HLCS: variants seen among roughly 807,000 people sequenced by gnomAD.
The protein encoded by HLCS is biotin--protein ligase.
Under a neutral mutation model 75.0 loss-of-function variants are expected in HLCS, and 53 were observed. That is an observed-to-expected ratio of 0.71 (90% CI 0.57 to 0.89). The LOEUF (loss-of-function observed/expected upper bound fraction) is 0.89. Ranked by LOEUF, HLCS falls within the 40% of genes least tolerant of loss-of-function variation. The probability of loss-of-function intolerance (pLI) is 0.00; values close to 1 mark genes in which losing one functional copy is unlikely to be tolerated. For synonymous variants in HLCS, 431 were observed against 428.6 expected (o/e 1.01, Z -0.07); for missense variants, 966 against 1,074.0 (o/e 0.90, Z 1.41).
chr21:36,896,672 G>A, intron 6 of HLCS, 188 bp downstream of exon 6: 1 of 649,728 alleles, frequency 1.5e-6, no homozygotes. Flanking sequence ...AAACAAACCT[G>A]TGATCAAAGA....
Position 36,936,963 on chromosome 21 carries a change from G to A in HLCS, c.923C>T (p.Ala308Val). Residue 308 changes from alanine (A) to valine (V), a missense_variant, in exon 4 of 11, where the codon GCA becomes GTA. Ala to Val is a moderately conservative substitution (Grantham distance 64). Transcript: ENST00000674895. Reference protein sequence around the residue: ...EGRRVNLTGKAPNILLYVGSD... With the variant: ...EGRRVNLTGKVPNILLYVGSD... ...GCCCACATAGAGGAGGATGTTGGGT[G>A]CCTTTCCCGTGAGGTTGACTCTCCT... The A allele has an allele frequency of 6.2e-7, 1 of 1,614,164 alleles. No individual in the cohort carries two copies. Among genetic ancestry groups the A allele is most frequent in the Non-Finnish European group, 8.5e-7 (1 of 1,180,028 alleles).
chr21:36,802,641 C>T (rs577242872), intron 6 of HLCS, among the ~76,000 whole-genome samples: 4 of 152,302 alleles, frequency 2.6e-5, no homozygotes, highest in Admixed American at 1.3e-4. Context: ...CCCTGACCTC[C>T]GCATCCAAAT....
chr21:36,779,608 C>T (rs1298116463), intron 6 of HLCS, among the ~76,000 whole-genome samples: 2 of 152,202 alleles, frequency 1.3e-5, no homozygotes, highest in African/African-American at 4.8e-5. Context: ...ACTGCGAAAT[C>T]ACACTTACTA....
chr21:36,784,011 A>G (rs1045470915), intron 6 of HLCS, among the ~76,000 whole-genome samples: 1 of 152,162 alleles, frequency 6.6e-6, no homozygotes, highest in Non-Finnish European at 1.5e-5. Context: ...TCAGCTATAG[A>G]TCTCAAGATT....
intron 6 of HLCS, among the ~76,000 whole-genome samples, chr21:36,894,691 A>G (rs1470068792): frequency 6.6e-6 from 1 of 152,188 alleles, no homozygotes; most frequent in African/African-American, 2.4e-5. Context: ...AAGAGAAACA[A>G]AGATTCCTAA....
intron 5 of HLCS, among the ~76,000 whole-genome samples, chr21:36,899,075 G>C (rs918301459): frequency 1.3e-5 from 2 of 151,914 alleles, no homozygotes; most frequent in Non-Finnish European, 2.9e-5. Flanking sequence ...AAAAAAGGAA[G>C]TACTGTGGTG....
At chr21:36,915,363 G>C (rs1166958877) in intron 5 of HLCS, among the ~76,000 whole-genome samples, 1 of 152,180 alleles carries the variant, frequency 6.6e-6, no homozygotes, top group Non-Finnish European at 1.5e-5. Context: ...ATGTTACCTG[G>C]AAAGAGAGAA....
intron 6 of HLCS, chr21:36,803,956 A>C (rs1156312891): frequency 6.6e-6 from 1 of 152,334 alleles, no homozygotes; most frequent in Non-Finnish European, 1.5e-5. Context: ...GGGAGACCGA[A>C]TTCCAGCCAG....
At position 36,958,988 on chromosome 21, in the gene HLCS, A is replaced by G. The variant is rs114733274; in HGVS notation, c.330+3048T>C. Among the ~76,000 whole-genome samples, 513 of 152,296 alleles carry G rather than the reference A, an allele frequency of 3.4e-3. 2 individuals are homozygous for G. The highest frequency in any genetic ancestry group is 0.012 in the African/African-American group (480 of 41,580). ...GAGCAGGGTAGGCGCGGCCAGGGAT[A>G]CGCGCTCTGTGGAACCAGGGGGAGC... On this transcript the variant is annotated intron_variant, in intron 2 of 10. Coordinates refer to ENST00000674895, the MANE Select transcript of HLCS (RefSeq NM_001352514.2).
chr21:36,910,637 G>C (rs1275571049), intron 5 of HLCS, among the ~76,000 whole-genome samples: 2 of 152,048 alleles, frequency 1.3e-5, no homozygotes, highest in African/African-American at 4.8e-5. Context: ...AACCCTTGGG[G>C]TGGGCGTTTA....
intron 6 of HLCS, among the ~76,000 whole-genome samples, chr21:36,843,396 C>A (rs1601479302): frequency 6.6e-6 from 1 of 152,320 alleles, no homozygotes; most frequent in African/African-American, 2.4e-5. Context: ...CATGATCGTG[C>A]CACAGCACTC....
At chr21:36,892,258 G>A (rs2064818259) in intron 6 of HLCS, among the ~76,000 whole-genome samples, 1 of 152,222 alleles carries the variant, frequency 6.6e-6, no homozygotes, top group Non-Finnish European at 1.5e-5. Context: ...CATCTCCGAT[G>A]TGGTGCAGAG....
At chr21:36,767,191 C>T (rs1238002092) in intron 7 of HLCS, 27 bp downstream of exon 7, 2 of 1,609,416 alleles carry the variant, frequency 1.2e-6, no homozygotes, top group African/African-American at 1.3e-5. Context: ...ACAGAAGTAA[C>T]AGCAATGATC....
chr21:36,979,233 C>T (rs887356878), intron 1 of HLCS, among the ~76,000 whole-genome samples: 11 of 150,386 alleles, frequency 7.3e-5, no homozygotes, highest in African/African-American at 2.5e-4. Context: ...GATCGCGCCA[C>T]TGCCCTCCAG....
intron 2 of HLCS, among the ~76,000 whole-genome samples, chr21:36,957,169 G>T (rs1382266261): frequency 3.3e-5 from 5 of 152,152 alleles, no homozygotes; most frequent in African/African-American, 4.8e-5. Flanking sequence ...GCCTGTGGGG[G>T]AAGTGTTTGG....
intron 1 of HLCS, among the ~76,000 whole-genome samples, chr21:36,985,754 A>C (rs1380233018): frequency 6.7e-6 from 1 of 149,280 alleles, no homozygotes; most frequent in Non-Finnish European, 1.5e-5. Context: ...TGACAGAGTG[A>C]GACTTGGTCT....
intron 6 of HLCS, among the ~76,000 whole-genome samples, chr21:36,877,045 G>A (rs2064008241): frequency 6.6e-6 from 1 of 152,092 alleles, no homozygotes; most frequent in Non-Finnish European, 1.5e-5. Context: ...AGTGAATTTT[G>A]TCTGCTGCTT....
At chr21:36,812,864 A>G (rs1298821247) in intron 6 of HLCS, among the ~76,000 whole-genome samples, 1 of 152,132 alleles carries the variant, frequency 6.6e-6, no homozygotes, top group Non-Finnish European at 1.5e-5. Flanking sequence ...TTCAAGACCA[A>G]CCTGGGCAAC....
upstream of HLCS, among the ~76,000 whole-genome samples, chr21:36,969,165 C>T (rs975094126): frequency 6.6e-6 from 1 of 152,116 alleles, no homozygotes; most frequent in African/African-American, 2.4e-5. Context: ...ACATAACAAG[C>T]TCTGTTTATG....
Sources: allele counts gnomAD v4.1 joint callset (sites outside exome capture counted in the v4.1 genomes callset), GRCh38; gene constraint gnomAD v4.1.1; transcripts MANE v1.5; gene names NCBI Gene and HGNC (gene_info 2026-07-23, HGNC 2026-07-21).